Variants in DPP6 observed in about 807,000 individuals in gnomAD.
DPP6 encodes A-type potassium channel modulatory protein DPP6.
Under a neutral mutation model 122.6 loss-of-function variants are expected in DPP6, and 69 were observed. That is an observed-to-expected ratio of 0.56 (90% CI 0.46 to 0.69). The LOEUF is 0.69. Ranked by LOEUF, DPP6 falls within the 30% of genes least tolerant of loss-of-function variation. The probability of loss-of-function intolerance (pLI) is 0.00; values close to 1 mark genes in which losing one functional copy is unlikely to be tolerated. For synonymous variants in DPP6, 418 were observed against 433.1 expected, an observed-to-expected ratio of 0.97 and a Z score of 0.43; for missense variants, 928 against 1,116.9, an observed-to-expected ratio of 0.83 and a Z score of 2.41.
chr7:154,091,014 G>A (rs575822972), intron 1 of DPP6, among the ~76,000 whole-genome samples: 9 of 151,570 alleles, frequency 5.9e-5, no homozygotes, highest in African/African-American at 2.2e-4. Flanking sequence ...CCAGCTACTC[G>A]GGAGGCTGAG....
the DPP6 span, among the ~76,000 whole-genome samples, chr7:153,805,180 T>G: frequency 6.3e-4 from 96 of 152,348 alleles, no homozygotes; most frequent in African/African-American, 2.2e-3. Flanking sequence ...AAATTTTAAG[T>G]GCCAAAATGT....
intron 5 of DPP6, chr7:154,588,008 A>T (rs375809494): frequency 6.8e-6 from 11 of 1,612,712 alleles, no homozygotes; most frequent in Admixed American, 1.7e-5. Flanking sequence ...GGCAGGTGTG[A>T]GGCATCGCAT....
intron 10 of DPP6, among the ~76,000 whole-genome samples, chr7:154,775,642 T>G (rs1054912746): frequency 3.3e-5 from 5 of 151,716 alleles, no homozygotes; most frequent in Admixed American, 2.0e-4. Context: ...AACAAGGACA[T>G]CCTAGGGTGA....
At chr7:154,459,277 T>C (rs1334084883) in intron 2 of DPP6, among the ~76,000 whole-genome samples, 2 of 152,240 alleles carry the variant, frequency 1.3e-5, no homozygotes, top group Admixed American at 1.3e-4. Context: ...GGGTTTAGCA[T>C]GCCTATTCTC....
Position 154,061,953 on chromosome 7 carries a change from G to GCCA in DPP6, c.243+8891_243+8892insCAC, listed in dbSNP as rs1585280116. On this transcript the variant is annotated intron_variant, in intron 1 of 25. Coordinates refer to ENST00000377770, the MANE Select transcript of DPP6 (RefSeq NM_130797.4). ...CATCGCAGGAGGGGGAGGCAACCCT[G>GCCA]CGAGGGTGGGGACTGAGAGCTATCC... Among the ~76,000 whole-genome samples, 133 of 101,096 alleles carry GCCA rather than the reference G, an allele frequency of 1.3e-3. 9 individuals are homozygous for GCCA. The highest frequency in any genetic ancestry group is 3.6e-3 in the Admixed American group (35 of 9,692). 66.3% of individuals were successfully genotyped at this position (101,096 alleles called of 152,430 possible).
chr7:153,791,461 C>T, the DPP6 span, among the ~76,000 whole-genome samples: 2 of 99,850 alleles, frequency 2.0e-5, no homozygotes, highest in East Asian at 3.3e-4. Context: ...CATTGTTTCC[C>T]AGGCTGGAGT....
chr7:153,777,324 T>G, the DPP6 span, among the ~76,000 whole-genome samples: 1 of 151,360 alleles, frequency 6.6e-6, no homozygotes, highest in Non-Finnish European at 1.5e-5. Flanking sequence ...CATGGGAAAG[T>G]GAGAACTTTC....
At chr7:153,862,839 C>A in the DPP6 span, among the ~76,000 whole-genome samples, 1 of 151,792 alleles carries the variant, frequency 6.6e-6, no homozygotes, top group Non-Finnish European at 1.5e-5. Flanking sequence ...AACAACAAAT[C>A]GGTAACATAT....
rs117948743 is a variant in DPP6 at position 154,289,493 on chromosome 7, C to T, written c.244-156721C>T. The stretch of plus-strand genomic sequence containing the variant: ...AGCTAGTTCAATCCTCTCATGCCTT[C>T]AGTGGCTGGAGATATTTAGGGAGCA... On this transcript the variant is annotated intron_variant, in intron 1 of 25. Transcript: ENST00000377770. 3.5e-3 allele frequency among the ~76,000 whole-genome samples: 539 copies of T among 152,308 alleles called. 13 individuals carry two copies. The highest frequency in any genetic ancestry group is 0.026 in the Admixed American group (395 of 15,296).
At chr7:154,878,145 G>A (rs1005372364) in intron 20 of DPP6, among the ~76,000 whole-genome samples, 1 of 152,170 alleles carries the variant, frequency 6.6e-6, no homozygotes, top group Non-Finnish European at 1.5e-5. Context: ...TGGAAGCCCG[G>A]GGCCTCCCCG....
intron 3 of DPP6, among the ~76,000 whole-genome samples, chr7:154,518,520 C>G (rs1293068883): frequency 6.6e-6 from 1 of 152,194 alleles, no homozygotes; most frequent in Non-Finnish European, 1.5e-5. Context: ...ATTATTAAAG[C>G]AGCCCCTTGC....
chr7:154,739,349 T>A (rs1472096862), intron 8 of DPP6, among the ~76,000 whole-genome samples: 1 of 152,112 alleles, frequency 6.6e-6, no homozygotes, highest in Non-Finnish European at 1.5e-5. Flanking sequence ...TGTTGGGGAA[T>A]CTCTCAGAAT....
At chr7:154,642,523 G>A (rs748915131) in intron 6 of DPP6, among the ~76,000 whole-genome samples, 1 of 152,134 alleles carries the variant, frequency 6.6e-6, no homozygotes, top group South Asian at 2.1e-4. Context: ...CCAAGAGGCG[G>A]AGGTTGCAGT....
chr7:154,580,851 G>A (rs961784679), intron 5 of DPP6, among the ~76,000 whole-genome samples: 32 of 152,312 alleles, frequency 2.1e-4, no homozygotes, highest in East Asian at 7.7e-4. Flanking sequence ...AGCTGAAAGT[G>A]CTCAGGTATC....
At chr7:154,801,752 T>A (rs1021650759) in intron 13 of DPP6, among the ~76,000 whole-genome samples, 1 of 152,134 alleles carries the variant, frequency 6.6e-6, no homozygotes, top group Non-Finnish European at 1.5e-5. Flanking sequence ...GTTGGAGGAC[T>A]GTCTGTGCCG....
At chr7:154,318,380 A>G (rs753746672) in intron 1 of DPP6, among the ~76,000 whole-genome samples, 3 of 152,178 alleles carry the variant, frequency 2.0e-5, no homozygotes, top group Non-Finnish European at 4.4e-5. Context: ...CGATTTAGAG[A>G]TAATGAGAGT....
At chr7:153,856,849 G>A in the DPP6 span, among the ~76,000 whole-genome samples, 1 of 152,112 alleles carries the variant, frequency 6.6e-6, no homozygotes, top group East Asian at 1.9e-4. Flanking sequence ...GGGGATTATT[G>A]GCTCCTTAAG....
At chr7:154,341,837 A>C (rs892274404) in intron 1 of DPP6, among the ~76,000 whole-genome samples, 1 of 152,078 alleles carries the variant, frequency 6.6e-6, no homozygotes, top group East Asian at 1.9e-4. Context: ...ACGCAAGAAG[A>C]ATGGTTGAAT....
At chr7:154,408,484 T>A (rs1382938351) in intron 1 of DPP6, among the ~76,000 whole-genome samples, 1 of 152,176 alleles carries the variant, frequency 6.6e-6, no homozygotes, top group African/African-American at 2.4e-5. Context: ...AATGTTAGAT[T>A]TACAGAAAAG....
Sources: allele counts gnomAD v4.1 joint callset (sites outside exome capture counted in the v4.1 genomes callset), GRCh38; gene constraint gnomAD v4.1.1; transcripts MANE v1.5; gene names NCBI Gene and HGNC (gene_info 2026-07-23, HGNC 2026-07-21).